ROBO2: variants seen among roughly 807,000 people sequenced by gnomAD.
ROBO2 encodes the protein roundabout homolog 2.
Under a neutral mutation model 160.8 loss-of-function variants are expected in ROBO2, and 53 were observed. The ratio of observed to expected loss-of-function variants is 0.33; its 90% CI spans 0.26 to 0.41. The LOEUF (loss-of-function observed/expected upper bound fraction) is 0.41. Among genes scored for constraint, ROBO2 ranks in the 10% least tolerant of loss-of-function variants. ROBO2 has a pLI of 1.00. For synonymous variants in ROBO2, 664 were observed against 611.7 expected, an observed-to-expected ratio of 1.09 and a Z score of -1.26; for missense variants, 1,577 against 1,722.4, an observed-to-expected ratio of 0.92 and a Z score of 1.49.
intron 5 of ROBO2, among the ~76,000 whole-genome samples, chr3:77,493,588 A>T (rs573185650): frequency 1.3e-5 from 2 of 152,158 alleles, no homozygotes; most frequent in Non-Finnish European, 2.9e-5. Flanking sequence ...GAGTATCTAC[A>T]TTAATGCTTG....
At chr3:76,106,128 G>T (rs914263216) in intron 2 of ROBO2, among the ~76,000 whole-genome samples, 1 of 152,160 alleles carries the variant, frequency 6.6e-6, no homozygotes, top group South Asian at 2.1e-4. Flanking sequence ...TGTTTGACTG[G>T]TAGAGACGAT....
chr3:76,527,106 A>G (rs2081986802), intron 2 of ROBO2, among the ~76,000 whole-genome samples: 1 of 152,028 alleles, frequency 6.6e-6, no homozygotes, highest in Admixed American at 6.6e-5. Context: ...ATTACTTTGG[A>G]AAGTTTAACA....
chr3:77,568,330 C>G, exon 13 of ROBO2: 1 of 1,612,888 alleles, frequency 6.2e-7, no homozygotes, highest in Non-Finnish European at 8.5e-7. Flanking sequence ...CCCACCAGCA[C>G]AAGGAGTGGA....
chr3:77,018,396 A>G (rs1025041798), intron 2 of ROBO2, among the ~76,000 whole-genome samples: 19 of 152,132 alleles, frequency 1.2e-4, no homozygotes, highest in African/African-American at 2.2e-4. Context: ...AATATTCTAA[A>G]TATATCCTAT....
intron 2 of ROBO2, among the ~76,000 whole-genome samples, chr3:77,128,794 T>C (rs1477262586): frequency 6.6e-6 from 1 of 152,218 alleles, no homozygotes; most frequent in African/African-American, 2.4e-5. Flanking sequence ...ATACAAATCC[T>C]TGTGCTCAAC....
intron 2 of ROBO2, among the ~76,000 whole-genome samples, chr3:77,242,421 C>A (rs2089174273): frequency 1.3e-5 from 2 of 152,246 alleles, no homozygotes; most frequent in South Asian, 4.1e-4. Context: ...CAATTTAAAT[C>A]AAGTCTAAGG....
At chr3:76,750,850 C>T (rs1204662593) in intron 2 of ROBO2, among the ~76,000 whole-genome samples, 10 of 151,990 alleles carry the variant, frequency 6.6e-5, no homozygotes, top group African/African-American at 1.2e-4. Flanking sequence ...GACTCAATAT[C>T]GTGAAAATGG....
At chr3:76,701,230 C>T (rs72890211) in intron 2 of ROBO2, among the ~76,000 whole-genome samples, 1 of 151,982 alleles carries the variant, frequency 6.6e-6, no homozygotes, top group Non-Finnish European at 1.5e-5. Context: ...ATGAAGGAAA[C>T]CTGTTATTTT....
At chr3:76,699,382 A>G (rs1402876382) in intron 2 of ROBO2, among the ~76,000 whole-genome samples, 3 of 152,084 alleles carry the variant, frequency 2.0e-5, no homozygotes, top group African/African-American at 4.8e-5. Context: ...TTTCCCCACC[A>G]TATCAGACTT....
At chr3:76,658,175 A>G (rs959331097) in intron 2 of ROBO2, among the ~76,000 whole-genome samples, 3 of 151,548 alleles carry the variant, frequency 2.0e-5, no homozygotes, top group African/African-American at 7.3e-5. Context: ...TACTTTTAAA[A>G]GTGCACATTT....
At chr3:76,761,318 T>C (rs540662397) in intron 2 of ROBO2, among the ~76,000 whole-genome samples, 35 of 151,884 alleles carry the variant, frequency 2.3e-4, no homozygotes, top group Middle Eastern at 3.4e-3. Flanking sequence ...CTCTCATTTC[T>C]CATTTCTATT....
rs548907338 is a variant in ROBO2 at position 75,981,987 on chromosome 3, A to C, written c.109+44385A>C. Among the ~76,000 whole-genome samples, 3 of 150,486 alleles carry C rather than the reference A, an allele frequency of 2.0e-5. No homozygotes were observed. The Admixed American group carries it at 2.0e-4, about 10-fold the overall frequency. On this transcript the variant is annotated intron_variant, in intron 2 of 26. Transcript: ENST00000487694. The stretch of plus-strand genomic sequence containing the variant: ...TATGTCCATGTATTCAATTGTTTTG[A>C]TTTTTAGATCCCACAAATAATTGAG...
At chr3:77,498,629 G>A (rs1459392841) in intron 5 of ROBO2, among the ~76,000 whole-genome samples, 1 of 150,654 alleles carries the variant, frequency 6.6e-6, no homozygotes, top group South Asian at 2.1e-4. Context: ...TTTTTGGATG[G>A]CATTTTTATA....
chr3:77,414,933 A>G (rs2077090220), intron 2 of ROBO2, among the ~76,000 whole-genome samples: 1 of 152,166 alleles, frequency 6.6e-6, no homozygotes, highest in Non-Finnish European at 1.5e-5. Context: ...AATTTAAGCA[A>G]TGAAGTATTG....
chr3:77,304,799 G>T (rs1044174845), intron 2 of ROBO2, among the ~76,000 whole-genome samples: 1 of 152,168 alleles, frequency 6.6e-6, no homozygotes, highest in African/African-American at 2.4e-5. Context: ...GATACAGTGT[G>T]TGTATCTGTG....
intron 2 of ROBO2, among the ~76,000 whole-genome samples, chr3:77,355,732 TCAAAACAAAA>T (rs1185173960): frequency 6.6e-6 from 1 of 152,096 alleles, no homozygotes; most frequent in African/African-American, 2.4e-5. Flanking sequence ...AACTTATTCA[TCAAAACAAAA>T]CATAACAAAA....
intron 2 of ROBO2, among the ~76,000 whole-genome samples, chr3:76,844,457 A>G (rs1459349557): frequency 1.3e-5 from 2 of 151,956 alleles, no homozygotes; most frequent in Non-Finnish European, 2.9e-5. Context: ...TAGGTTTCAG[A>G]TCATGGAGCA....
At chr3:77,059,871 A>G (rs1354116525) in intron 1 of ROBO2, among the ~76,000 whole-genome samples, 1 of 152,068 alleles carries the variant, frequency 6.6e-6, no homozygotes, top group Non-Finnish European at 1.5e-5. Flanking sequence ...AATCACAGTG[A>G]GACCATCTGG....
At chr3:77,541,386 G>C (rs1444765176) in intron 6 of ROBO2, among the ~76,000 whole-genome samples, 1 of 152,140 alleles carries the variant, frequency 6.6e-6, no homozygotes, top group Non-Finnish European at 1.5e-5. Flanking sequence ...TCACCAGCAG[G>C]CATTAGCATA....
Sources: allele counts gnomAD v4.1 joint callset (sites outside exome capture counted in the v4.1 genomes callset), GRCh38; gene constraint gnomAD v4.1.1; transcripts MANE v1.5; gene names NCBI Gene and HGNC (gene_info 2026-07-23, HGNC 2026-07-21).